WNT9B: variants seen among roughly 807,000 people sequenced by gnomAD.
WNT9B encodes the protein protein Wnt-9b.
WNT9B carries 12 observed loss-of-function variants against 30.2 expected under a neutral mutation model. That is an observed-to-expected ratio of 0.40 (90% CI 0.26 to 0.64). The LOEUF is 0.64. WNT9B is among the 30% of genes least tolerant of loss of function. The pLI is 0.42. For synonymous variants in WNT9B, 218 were observed against 216.9 expected (o/e 1.01, Z -0.05); for missense variants, 442 against 485.2 (o/e 0.91, Z 0.84).
intron 1 of WNT9B, among the ~76,000 whole-genome samples, chr17:46,854,806 C>A (rs2084912558): frequency 6.6e-6 from 1 of 151,970 alleles, no homozygotes; most frequent in Non-Finnish European, 1.5e-5. Flanking sequence ...ATTACTGGTG[C>A]CCCCCATCAC....
intron 1 of WNT9B, among the ~76,000 whole-genome samples, chr17:46,861,046 G>C (rs915184027): frequency 5.3e-5 from 8 of 152,102 alleles, no homozygotes; most frequent in Non-Finnish European, 1.2e-4. Flanking sequence ...TTATAGGTGT[G>C]CGTGTTGGGG....
intron 1 of WNT9B, among the ~76,000 whole-genome samples, chr17:46,871,387 G>A (rs2085241387): frequency 2.0e-5 from 3 of 152,260 alleles, no homozygotes; most frequent in Middle Eastern, 6.8e-3. Flanking sequence ...GAGGGAAGAC[G>A]AACTCTAATT....
chr17:46,843,164 C>T (rs908033320), intron 1 of WNT9B, among the ~76,000 whole-genome samples: 6 of 152,330 alleles, frequency 3.9e-5, no homozygotes, highest in Admixed American at 1.3e-4. Context: ...ATATTAATAT[C>T]GGAGCTGGGG....
rs7211316 is a variant in WNT9B, at chr17:46,869,223, C to T, written c.78-3294C>T. ...TGTCATTACCACTAATAAAATTAACCGACTTGATACTGGACTCTCTGAGCC... is the reference window on the plus strand; with the variant it reads ...TGTCATTACCACTAATAAAATTAACTGACTTGATACTGGACTCTCTGAGCC... On this transcript the variant is annotated intron_variant, in intron 1 of 3. Transcript: ENST00000290015. Among the ~76,000 whole-genome samples, 1,375 of 152,238 alleles carry T rather than the reference C, an allele frequency of 9.0e-3. 21 individuals carry two copies. Among genetic ancestry groups the T allele is most frequent in the African/African-American group, 0.031 (1,300 of 41,536 alleles).
chr17:46,879,230 G>A lies in WNT9B; in HGVS notation c.*2512G>A, dbSNP rs2085391140. Among the ~76,000 whole-genome samples, 1 of 152,170 alleles carries A rather than the reference G, an allele frequency of 6.6e-6. No individual in the cohort carries two copies. Among genetic ancestry groups the A allele is most frequent in the South Asian group, 2.1e-4 (1 of 4,830 alleles). ...TTTTCCCGGAAACCCTCTGTCTGGGGAGATACAGCCTGACCTGACCGGGTC... is the reference window on the plus strand; with the variant it reads ...TTTTCCCGGAAACCCTCTGTCTGGGAAGATACAGCCTGACCTGACCGGGTC... On this transcript the variant is annotated 3_prime_UTR_variant, in exon 4 of 4. Coordinates refer to ENST00000290015, the MANE Select transcript of WNT9B (RefSeq NM_003396.3).
At chr17:46,852,273 G>A (rs2084862787) in intron 1 of WNT9B, among the ~76,000 whole-genome samples, 1 of 143,062 alleles carries the variant, frequency 7.0e-6, no homozygotes, top group East Asian at 2.7e-4. Context: ...ACCTCGGACG[G>A]TGAGAGCGCC....
intron 1 of WNT9B, among the ~76,000 whole-genome samples, chr17:46,870,801 G>A (rs1214765285): frequency 1.3e-5 from 2 of 152,118 alleles, no homozygotes; most frequent in Non-Finnish European, 2.9e-5. Flanking sequence ...GACCACTCCT[G>A]GCTTGACCAC....
At chr17:46,883,305 A>G (rs1483317258), downstream of WNT9B, among the ~76,000 whole-genome samples, 2 of 121,222 alleles carry the variant, frequency 1.6e-5, no homozygotes, top group South Asian at 2.7e-4. Context: ...CCTTTGTGAG[A>G]TGGAGTCTCG....
chr17:46,867,516 G>A (rs1275396352), intron 1 of WNT9B, among the ~76,000 whole-genome samples: 1 of 152,246 alleles, frequency 6.6e-6, no homozygotes, highest in African/African-American at 2.4e-5. Flanking sequence ...CTTGGGGCAT[G>A]AGATCCTTGG....
At chr17:46,839,133 C>G (rs939257202) in intron 1 of WNT9B, among the ~76,000 whole-genome samples, 4 of 152,210 alleles carry the variant, frequency 2.6e-5, no homozygotes, top group Admixed American at 2.6e-4. Flanking sequence ...CCGCCTCGGC[C>G]TCCCAAAGTA....
rs914200631 is a variant in WNT9B, at chr17:46,851,960, C to T, written c.77+245C>T. Among the ~76,000 whole-genome samples the T allele has an allele frequency of 2.6e-5, 4 of 152,188 alleles. No homozygotes were observed. Among genetic ancestry groups the T allele is most frequent in the Non-Finnish European group, 5.9e-5 (4 of 68,038 alleles). ...TCCGAGTCTCTGGTCGCCCCCCAGC[C>T]GCCGCTCTCCTCATCCCGCCGGGTC... is the stretch of plus-strand genomic sequence containing the variant. On this transcript the variant is annotated intron_variant, in intron 1 of 3. Coordinates refer to ENST00000290015, the MANE Select transcript of WNT9B (RefSeq NM_003396.3). The surrounding 1 kb of genome is among the most constrained non-coding windows in gnomAD (Gnocchi z 4.3).
intron 3 of WNT9B, 50 bp from the exon 4 acceptor site, chr17:46,876,195 G>T (rs377679837): frequency 6.2e-5 from 94 of 1,514,916 alleles, no homozygotes; most frequent in Non-Finnish European, 8.3e-5. Flanking sequence ...GCAGGCTCTG[G>T]CTGCTGGGCC....
intron 1 of WNT9B, among the ~76,000 whole-genome samples, chr17:46,857,378 G>C (rs2084955516): frequency 6.6e-6 from 1 of 151,686 alleles, no homozygotes; most frequent in Admixed American, 6.6e-5. Context: ...AGGAGGCTGA[G>C]GCAGGAGAAT....
chr17:46,853,361 G>T (rs2084886392), intron 1 of WNT9B, among the ~76,000 whole-genome samples: 2 of 106,122 alleles, frequency 1.9e-5, no homozygotes, highest in East Asian at 5.5e-4. Context: ...TAATGCTAGT[G>T]ACTTTTTTTT....
At chr17:46,833,724 G>A (rs1056411586) in intron 1 of WNT9B, among the ~76,000 whole-genome samples, 21 of 152,208 alleles carry the variant, frequency 1.4e-4, no homozygotes, top group African/African-American at 4.8e-4. Flanking sequence ...TCCCACGTGA[G>A]TGAGCGTCCT....
chr17:46,844,685 A>G (rs1227956950), intron 1 of WNT9B, among the ~76,000 whole-genome samples: 2 of 152,218 alleles, frequency 1.3e-5, no homozygotes, highest in African/African-American at 4.8e-5. Context: ...AGATGAAAAC[A>G]AACTAAAAGA....
chr17:46,872,760 C>A lies in WNT9B; in HGVS notation c.321C>A (p.Gly107=). 6.2e-7 allele frequency: 1 copy of A among 1,607,262 alleles called. No homozygotes were observed. Among genetic ancestry groups the A allele is most frequent in the Non-Finnish European group, 8.5e-7 (1 of 1,177,272 alleles). Residue 107 remains glycine, a synonymous_variant, in exon 2 of 4, where the codon GGC becomes GGA. Coordinates refer to ENST00000290015, the MANE Select transcript of WNT9B (RefSeq NM_003396.3). Reference sequence around the variant, plus strand: ...ACTGTAGCCTGGAGGGCAGGATGGGCCTGCTCAAGAGAGGTGGGGAGGAGG... The same window carrying A: ...ACTGTAGCCTGGAGGGCAGGATGGGACTGCTCAAGAGAGGTGGGGAGGAGG... ...RWNCSLEGRM[G]LLKRGFKETA...
At chr17:46,837,557 C>T (rs555985752) in intron 1 of WNT9B, among the ~76,000 whole-genome samples, 1 of 152,262 alleles carries the variant, frequency 6.6e-6, no homozygotes, top group African/African-American at 2.4e-5. Flanking sequence ...GGACTTGTGG[C>T]CCAGGGAGGC....
chr17:46,845,518 C>CT (rs1396023594), intron 1 of WNT9B, among the ~76,000 whole-genome samples: 5 of 130,034 alleles, frequency 3.8e-5, no homozygotes, highest in African/African-American at 5.9e-5. Flanking sequence ...GAGACAGAGT[C>CT]TTGCTCTGTC....
Sources: allele counts gnomAD v4.1 joint callset (sites outside exome capture counted in the v4.1 genomes callset), GRCh38; gene constraint gnomAD v4.1.1; non-coding constraint Gnocchi (gnomAD v3.1); transcripts MANE v1.5; gene names NCBI Gene and HGNC (gene_info 2026-07-23, HGNC 2026-07-21).